The following LRRTM4 variants were observed in gnomAD, a reference collection of about 807,000 sequenced individuals.
The protein encoded by LRRTM4 is leucine rich repeat transmembrane neuronal 4, also known as leucine-rich repeat transmembrane neuronal protein 4.
A neutral mutation model predicts 47.6 loss-of-function variants in LRRTM4; 25 were observed. The observed-to-expected ratio is 0.53, with a 90% CI of 0.38 to 0.73. The LOEUF is 0.73. Ranked by LOEUF, LRRTM4 falls within the 30% of genes least tolerant of loss-of-function variation. The pLI is 0.00. For synonymous variants in LRRTM4, 311 were observed against 269.5 expected, an observed-to-expected ratio of 1.15 and a Z score of -1.51; for missense variants, 638 against 713.4, an observed-to-expected ratio of 0.89 and a Z score of 1.20.
At chr2:77,017,015 T>C (rs967859824) in intron 3 of LRRTM4, among the ~76,000 whole-genome samples, 22 of 152,184 alleles carry the variant, frequency 1.4e-4, no homozygotes, top group African/African-American at 4.8e-4. Flanking sequence ...CTTTCAATTA[T>C]ACTCAGCTAA....
At chr2:76,834,610 T>C (rs929829469) in intron 3 of LRRTM4, among the ~76,000 whole-genome samples, 2 of 152,062 alleles carry the variant, frequency 1.3e-5, no homozygotes, top group African/African-American at 4.8e-5. Context: ...CCATTTGGGA[T>C]ACAAATGCTT....
chr2:77,397,548 C>A lies in LRRTM4; in HGVS notation c.1551+120770G>T, dbSNP rs145840346. 8.8e-4 allele frequency among the ~76,000 whole-genome samples: 134 copies of A among 151,880 alleles called. 1 individual carries two copies. In the East Asian group the frequency reaches 0.025, roughly 28 times the overall value. ...CTAATAGTAGTTTACAGGGCATAGA[C>A]TACAAAAGAGGCACACACAAAAGAA... On this transcript the variant is annotated intron_variant, in intron 3 of 3. Transcript: ENST00000409884.
Position 77,013,951 on chromosome 2 carries a change from T to C in LRRTM4, c.1552-265035A>G, listed in dbSNP as rs929260852. Among the ~76,000 whole-genome samples, 6 of 152,192 alleles carry C rather than the reference T, an allele frequency of 3.9e-5. No individual in the cohort carries two copies. The South Asian group carries it at 1.2e-3, about 32-fold the overall frequency. ...TCATTGTATCCATATTTAAGGGAGT[T>C]TGACAATAAGATTAGGTTGGTTCCT... On this transcript the variant is annotated intron_variant, in intron 3 of 3. Coordinates refer to ENST00000409884, the MANE Select transcript of LRRTM4 (RefSeq NM_001134745.3).
chr2:76,784,251 A>G (rs1254826762), intron 3 of LRRTM4, among the ~76,000 whole-genome samples: 1 of 152,132 alleles, frequency 6.6e-6, no homozygotes, highest in East Asian at 1.9e-4. Flanking sequence ...TCAGATAAAT[A>G]AATCATAGTA....
intron 3 of LRRTM4, among the ~76,000 whole-genome samples, chr2:77,003,108 T>C (rs1431325262): frequency 6.6e-6 from 1 of 152,080 alleles, no homozygotes; most frequent in Non-Finnish European, 1.5e-5. Flanking sequence ...TACTTTGCGA[T>C]AAGAATATAT....
chr2:76,788,850 A>C (rs1347370220), intron 3 of LRRTM4, among the ~76,000 whole-genome samples: 1 of 150,086 alleles, frequency 6.7e-6, no homozygotes. Context: ...AATAATGATA[A>C]ATGTTTTTGT....
At chr2:77,336,245 A>AAAGGAAAGAAGG (rs1226504067) in intron 3 of LRRTM4, among the ~76,000 whole-genome samples, 14 of 148,704 alleles carry the variant, frequency 9.4e-5, no homozygotes, top group African/African-American at 3.2e-4. Flanking sequence ...AGGAAGGAAG[A>AAAGGAAAGAAGG]AAGGAAAGAA....
chr2:76,985,056 T>C (rs1043320563), intron 3 of LRRTM4, among the ~76,000 whole-genome samples: 1 of 152,032 alleles, frequency 6.6e-6, no homozygotes, highest in Admixed American at 6.6e-5. Context: ...TTTCTTTGTA[T>C]GAGTGGGTCT....
At chr2:76,874,767 T>A (rs77848353) in intron 3 of LRRTM4, among the ~76,000 whole-genome samples, 1 of 152,058 alleles carries the variant, frequency 6.6e-6, no homozygotes, top group Non-Finnish European at 1.5e-5. Flanking sequence ...AGGCTCTTGA[T>A]ACTAGACCCT....
intron 3 of LRRTM4, among the ~76,000 whole-genome samples, chr2:76,759,421 G>A (rs1207753068): frequency 2.0e-5 from 3 of 152,046 alleles, no homozygotes; most frequent in Non-Finnish European, 4.4e-5. Flanking sequence ...TACTATTCAG[G>A]TCATTTAGAT....
At chr2:77,345,928 A>G (rs1043233016) in intron 3 of LRRTM4, among the ~76,000 whole-genome samples, 6 of 151,890 alleles carry the variant, frequency 4.0e-5, no homozygotes, top group Admixed American at 2.6e-4. Context: ...TAGCAGTTAT[A>G]TTTAAAATCA....
intron 3 of LRRTM4, among the ~76,000 whole-genome samples, chr2:76,790,206 A>C (rs1420535303): frequency 1.3e-5 from 2 of 152,164 alleles, no homozygotes; most frequent in African/African-American, 4.8e-5. Flanking sequence ...CTGTTCTAGG[A>C]CTATGAGTTA....
intron 3 of LRRTM4, among the ~76,000 whole-genome samples, chr2:77,330,443 T>C (rs531999247): frequency 1.3e-5 from 2 of 152,306 alleles, no homozygotes; most frequent in East Asian, 1.9e-4. Context: ...GTTTGTATTT[T>C]GTTGAGTGGG....
rs1573497603 is a variant in LRRTM4, at chr2:77,047,996, A to T, written c.1552-299080T>A. Among the ~76,000 whole-genome samples the T allele has an allele frequency of 2.0e-5, 3 of 152,196 alleles. No homozygotes were observed. In the East Asian group the frequency reaches 5.8e-4, roughly 29 times the overall value. On this transcript the variant is annotated intron_variant, in intron 3 of 3. Transcript: ENST00000409884. ...TGCTCATTTGTGTTTTTGTTAAATA[A>T]GGTGATTATTTTTATATCTAGATGC...
At chr2:76,886,677 T>C (rs1673085805) in intron 3 of LRRTM4, among the ~76,000 whole-genome samples, 1 of 151,988 alleles carries the variant, frequency 6.6e-6, no homozygotes, top group African/African-American at 2.4e-5. Flanking sequence ...AACATAACTC[T>C]CCTACATATT....
chr2:77,268,342 A>G (rs1676106605), intron 3 of LRRTM4, among the ~76,000 whole-genome samples: 1 of 152,088 alleles, frequency 6.6e-6, no homozygotes, highest in African/African-American at 2.4e-5. Flanking sequence ...AGAAGACAGT[A>G]TTCTTAGTCA....
chr2:76,802,452 A>G (rs1247534224), intron 3 of LRRTM4, among the ~76,000 whole-genome samples: 2 of 152,124 alleles, frequency 1.3e-5, no homozygotes. Context: ...AAAATAATTG[A>G]TAAAATAAAT....
At chr2:76,929,094 T>G (rs1413629715) in intron 3 of LRRTM4, among the ~76,000 whole-genome samples, 1 of 152,172 alleles carries the variant, frequency 6.6e-6, no homozygotes, top group African/African-American at 2.4e-5. Flanking sequence ...TAATGTTGAC[T>G]ACATATTTTA....
At chr2:77,317,528 C>G (rs1677651989) in intron 3 of LRRTM4, among the ~76,000 whole-genome samples, 2 of 151,970 alleles carry the variant, frequency 1.3e-5, no homozygotes, top group South Asian at 4.1e-4. Flanking sequence ...ATATTTTCCC[C>G]TGTTTTTTAT....
Sources: gnomAD v4.1 joint callset for allele counts (sites outside exome capture counted in the v4.1 genomes callset) on GRCh38, gnomAD v4.1.1 for gene constraint, MANE v1.5 for transcripts, NCBI Gene and HGNC (gene_info 2026-07-23, HGNC 2026-07-21) for gene names.